MYOM1: variants seen among roughly 807,000 people sequenced by gnomAD.
MYOM1 encodes myomesin-1.
A neutral mutation model predicts 205.3 loss-of-function variants in MYOM1; 164 were observed. That is an observed-to-expected ratio of 0.80 (90% confidence interval 0.70 to 0.91). The LOEUF (loss-of-function observed/expected upper bound fraction) is 0.91. Among genes scored for constraint, MYOM1 ranks in the 40% least tolerant of loss-of-function variants. The pLI, the probability that MYOM1 is intolerant of heterozygous loss-of-function variation, is 0.00. For missense variants in MYOM1, 2,011 were observed against 2,127.3 expected (o/e 0.95, Z 1.08); for synonymous variants, 772 against 789.4 (o/e 0.98, Z 0.37).
intron 26 of MYOM1, among the ~76,000 whole-genome samples, chr18:3,091,003 G>A (rs1751458805): frequency 6.6e-6 from 1 of 152,048 alleles, no homozygotes; most frequent in South Asian, 2.1e-4. Flanking sequence ...GCAGCAAAGC[G>A]AGACCTTGTC....
chr18:3,226,107 G>C, the MYOM1 span, among the ~76,000 whole-genome samples: 1 of 152,200 alleles, frequency 6.6e-6, no homozygotes, highest in African/African-American at 2.4e-5. The surrounding 1 kb of genome is among the most constrained non-coding windows in gnomAD (Gnocchi z 4.6). Context: ...TCCATTTCAT[G>C]AATCTGTTCA....
intron 4 of MYOM1, among the ~76,000 whole-genome samples, chr18:3,188,123 G>T (rs1334089921): frequency 2.0e-5 from 3 of 151,898 alleles, no homozygotes; most frequent in African/African-American, 7.3e-5. Context: ...TTACAGGTGT[G>T]AGCCGCCACA....
chr18:3,211,431 C>A (rs1470798753), intron 2 of MYOM1, among the ~76,000 whole-genome samples: 1 of 152,170 alleles, frequency 6.6e-6, no homozygotes, highest in South Asian at 2.1e-4. Context: ...CAGAAAAATT[C>A]TCATCTGTGC....
At chr18:3,104,200 A>G (rs1567907374) in intron 22 of MYOM1, among the ~76,000 whole-genome samples, 1 of 152,214 alleles carries the variant, frequency 6.6e-6, no homozygotes, top group Non-Finnish European at 1.5e-5. Flanking sequence ...ACTTAAGAAA[A>G]GGCTAACACT....
intron 37 of MYOM1, among the ~76,000 whole-genome samples, chr18:3,069,812 A>C (rs1698927426): frequency 1.3e-5 from 2 of 152,226 alleles, no homozygotes; most frequent in Non-Finnish European, 2.9e-5. Flanking sequence ...ATTACAAAGT[A>C]CTTTCATATA....
intron 37 of MYOM1, among the ~76,000 whole-genome samples, chr18:3,070,784 GTGTT>G (rs1363447646): frequency 4.0e-5 from 6 of 151,490 alleles, no homozygotes; most frequent in Non-Finnish European, 7.4e-5. Context: ...GCACGTGTGT[GTGTT>G]TGTATGACAG....
chr18:3,137,977 C>CT (rs954857325), intron 14 of MYOM1, among the ~76,000 whole-genome samples: 1 of 152,018 alleles, frequency 6.6e-6, no homozygotes. Flanking sequence ...AAGATGTTCT[C>CT]TTTTTTTGCC....
intron 2 of MYOM1, 46 bp downstream of exon 2, chr18:3,214,882 AGCACAC>A: frequency 6.6e-7 from 1 of 1,516,552 alleles, no homozygotes; most frequent in Non-Finnish European, 8.8e-7. Context: ...GGTTACTCAG[AGCACAC>A]GCCTCTTCCT....
In MYOM1 at chr18:3,151,717, G is replaced by A. The variant is rs746549717; in HGVS notation, c.1820C>T (p.Pro607Leu). ...ACTTTTAAGTCTAGCTTTCTCAGCC[G>A]GATCCAGAGCAGCCACGGGCTCGGA... ...RVSEPVAALDPAEKARLKSRP... is the reference protein window; with the variant it reads ...RVSEPVAALDLAEKARLKSRP... The change falls in exon 12 of 38, where the codon CCG becomes CTG. Residue 607 changes from proline (P) to leucine (L), a missense_variant. By Grantham distance (98) the Pro-to-Leu change is moderately conservative (BLOSUM62 -3). Coordinates refer to ENST00000356443, the MANE Select transcript of MYOM1 (RefSeq NM_003803.4). 30 of 1,613,206 alleles carry A rather than the reference G, an allele frequency of 1.9e-5. No individual in the cohort carries two copies. Among genetic ancestry groups the A allele is most frequent in the Non-Finnish European group, 2.3e-5 (27 of 1,179,476 alleles).
At chr18:3,078,995 T>TC (rs398031857) in intron 34 of MYOM1, among the ~76,000 whole-genome samples, 184 bp downstream of exon 34, 3 of 149,356 alleles carry the variant, frequency 2.0e-5, no homozygotes, top group Non-Finnish European at 3.0e-5. Context: ...TTTTTTTTTT[T>TC]AGAGATGAGA....
rs2079876764 is a variant in MYOM1 at position 3,131,592 on chromosome 18, A to T, written c.2385-96T>A. On this transcript the variant is annotated intron_variant, in intron 16 of 37. Transcript: ENST00000356443. ...GAGTGGATCTGGCTTTATGAAAACAATTCTTTTTTTTTTATTGTGATTTAT... is the reference window on the plus strand; with the variant it reads ...GAGTGGATCTGGCTTTATGAAAACATTTCTTTTTTTTTTATTGTGATTTAT... The T allele has an allele frequency of 7.1e-6, 8 of 1,126,052 alleles. No homozygotes were observed. The East Asian group carries it at 2.1e-4, about 29-fold the overall frequency. The allele number at this position is 1,126,052 out of a possible 1,614,324, so 69.8% of individuals were successfully genotyped here. A position where few individuals can be genotyped will look rare whatever the true frequency, so the allele number is the denominator to read the frequency against.
At chr18:3,109,549 G>T (rs1264118445) in intron 22 of MYOM1, among the ~76,000 whole-genome samples, 1 of 152,120 alleles carries the variant, frequency 6.6e-6, no homozygotes, top group African/African-American at 2.4e-5. Context: ...ACCAAAATTT[G>T]GCATAACTTA....
chr18:3,132,444 C>T (rs1256861618), intron 16 of MYOM1, among the ~76,000 whole-genome samples: 2 of 152,066 alleles, frequency 1.3e-5, no homozygotes, highest in Non-Finnish European at 2.9e-5. Context: ...GCCACCAAGC[C>T]CAGCCAACTC....
Position 3,129,557 on chromosome 18 carries a change from CG to C in MYOM1, c.2507-39del, listed in dbSNP as rs768505373. The C allele has an allele frequency of 3.8e-6, 6 of 1,575,550 alleles. No individual in the cohort carries two copies. The African/African-American group carries it at 8.1e-5, about 21-fold the overall frequency. On this transcript the variant is annotated intron_variant, in intron 17 of 37. Transcript: ENST00000356443. Reference sequence around the variant, plus strand: ...GACAACAACAGAAACGCATTGAGCCCGGACAGAGTATCAGCTGCTCTTATAG... The same window carrying C: ...GACAACAACAGAAACGCATTGAGCCCGACAGAGTATCAGCTGCTCTTATAG...
intron 26 of MYOM1, chr18:3,093,481 A>C (rs1727469467): frequency 6.6e-6 from 1 of 152,232 alleles, no homozygotes; most frequent in African/African-American, 2.4e-5. Flanking sequence ...ACCTACGTAA[A>C]TATGACTCAA....
chr18:3,227,959 C>T, the MYOM1 span, among the ~76,000 whole-genome samples: 1 of 25,880 alleles, frequency 3.9e-5, no homozygotes, highest in Admixed American at 5.1e-4. Flanking sequence ...TATTTTACCA[C>T]AATTTTTTAA....
Position 3,215,151 on chromosome 18 carries a change from T to C in MYOM1, c.73A>G (p.Thr25Ala). The C allele has an allele frequency of 3.1e-6, 5 of 1,613,778 alleles. No individual in the cohort carries two copies. The highest frequency in any genetic ancestry group is 4.2e-6 in the Non-Finnish European group (5 of 1,179,840). Residue 25 changes from threonine to alanine, a missense_variant, in exon 2 of 38, where the codon ACC (threonine) becomes GCC (alanine). By Grantham distance (58) the Thr-to-Ala change is moderately conservative. Transcript: ENST00000356443. Reference protein sequence around the residue: ...LSYRNKDVRSTVSHYQREKKR... With the variant: ...LSYRNKDVRSAVSHYQREKKR... Reference sequence around the variant, plus strand: ...TTCTCCCGCTGGTAGTGACTCACGGTGCTGCGCACGTCCTTGTTGCGGTAG... The same window carrying C: ...TTCTCCCGCTGGTAGTGACTCACGGCGCTGCGCACGTCCTTGTTGCGGTAG...
chr18:3,207,249 T>C (rs1037204100), intron 2 of MYOM1, among the ~76,000 whole-genome samples: 5 of 152,254 alleles, frequency 3.3e-5, no homozygotes, highest in Admixed American at 6.5e-5. Context: ...GGTTCTTGTC[T>C]ATATACATCC....
chr18:3,162,749 C>T (rs1191179680), intron 10 of MYOM1, among the ~76,000 whole-genome samples: 7 of 144,306 alleles, frequency 4.9e-5, no homozygotes, highest in East Asian at 2.2e-4. Context: ...CTGAAAAGGC[C>T]GGGCGTGGGC....
Sources: gnomAD v4.1 joint callset for allele counts (sites outside exome capture counted in the v4.1 genomes callset) on GRCh38, gnomAD v4.1.1 for gene constraint, Gnocchi (gnomAD v3.1) non-coding constraint, MANE v1.5 for transcripts, NCBI Gene and HGNC (gene_info 2026-07-23, HGNC 2026-07-21) for gene names.